The following PLCL1 variants were observed in gnomAD, a reference collection of about 807,000 sequenced individuals.
The protein encoded by PLCL1 is phospholipase C like 1 (inactive), also known as inactive phospholipase C-like protein 1.
In PLCL1, 41 loss-of-function variants were observed where a neutral mutation model predicts 84.4. That is an observed-to-expected ratio of 0.49 (90% CI 0.38 to 0.63). PLCL1 has a LOEUF of 0.63. PLCL1 is among the 30% of genes least tolerant of loss of function. The pLI, the probability that PLCL1 is intolerant of heterozygous loss-of-function variation, is 0.00. For missense variants in PLCL1, 1,206 were observed against 1,367.8 expected (o/e 0.88, Z 1.87); for synonymous variants, 490 against 488.3 (o/e 1.00, Z -0.05).
chr2:198,108,751 T>A (rs1305350479), intron 5 of PLCL1, among the ~76,000 whole-genome samples: 2 of 151,946 alleles, frequency 1.3e-5, no homozygotes, highest in Non-Finnish European at 2.9e-5. Flanking sequence ...ATCCCACACT[T>A]GTGTTTTTCT....
At chr2:198,008,046 C>T (rs185213477) in intron 1 of PLCL1, among the ~76,000 whole-genome samples, 1 of 152,020 alleles carries the variant, frequency 6.6e-6, no homozygotes, top group Non-Finnish European at 1.5e-5. Flanking sequence ...CCCTATTCCA[C>T]GTTGAGATTG....
chr2:198,106,238 T>C (rs1693471144), intron 5 of PLCL1, among the ~76,000 whole-genome samples: 1 of 151,974 alleles, frequency 6.6e-6, no homozygotes, highest in Non-Finnish European at 1.5e-5. Context: ...GTCTTTAACC[T>C]GTGCTGCAGA....
rs566649337 is a variant in PLCL1, at chr2:198,050,748, C to T, written c.241-33010C>T. On this transcript the variant is annotated intron_variant, in intron 1 of 5. Transcript: ENST00000428675. ...ATTAAAAATTCCCCTTCTAGTTTTT[C>T]CCCTAAAAAGTCCCTGCTTAATTCA... is the stretch of plus-strand genomic sequence containing the variant. Among the ~76,000 whole-genome samples, 10 of 152,296 alleles carry T rather than the reference C, an allele frequency of 6.6e-5. No individual in the cohort carries two copies. In the South Asian group the frequency reaches 2.1e-3, roughly 32 times the overall value.
chr2:197,874,476 G>C (rs1002887819), intron 1 of PLCL1, among the ~76,000 whole-genome samples: 20 of 151,972 alleles, frequency 1.3e-4, no homozygotes, highest in African/African-American at 4.6e-4. Context: ...ACTGCTTATT[G>C]CAGGAAAATA....
chr2:198,113,068 G>T (rs1344850421), intron 5 of PLCL1, among the ~76,000 whole-genome samples: 4 of 151,758 alleles, frequency 2.6e-5, no homozygotes, highest in African/African-American at 9.7e-5. Flanking sequence ...TCTATCTGGG[G>T]GTTATAAACT....
intron 1 of PLCL1, among the ~76,000 whole-genome samples, chr2:198,009,150 C>G (rs1690805625): frequency 6.6e-6 from 1 of 151,946 alleles, no homozygotes; most frequent in Non-Finnish European, 1.5e-5. Flanking sequence ...TGCAATTTCA[C>G]TCTGTTGATT....
intron 1 of PLCL1, among the ~76,000 whole-genome samples, chr2:198,013,098 C>G (rs1016315565): frequency 6.6e-6 from 1 of 151,710 alleles, no homozygotes; most frequent in Non-Finnish European, 1.5e-5. Context: ...AAATCTATAC[C>G]AGATTTATAA....
In PLCL1 at chr2:198,084,922, C is replaced by T; in HGVS notation, c.1405C>T (p.Arg469Ter). The change falls in exon 2 of 6, where the codon CGA becomes TGA. Residue 469 changes from arginine to a stop codon, truncating the protein, a stop_gained. Transcript: ENST00000428675. LOFTEE classifies it high-confidence loss of function. ...RNNMTTHVSF[R>*]SVIEVINKFA... is the part of the protein sequence containing the mutation. The stretch of plus-strand genomic sequence containing the variant: ...TAACATGACAACCCATGTTTCCTTT[C>T]GAAGTGTCATAGAGGTAATAAATAA... 2 of 1,613,878 alleles carry T rather than the reference C, an allele frequency of 1.2e-6. No homozygotes were observed. The highest frequency in any genetic ancestry group is 8.5e-7 in the Non-Finnish European group (1 of 1,179,886).
At chr2:197,923,451 G>A (rs1206605787) in intron 1 of PLCL1, among the ~76,000 whole-genome samples, 28 of 146,620 alleles carry the variant, frequency 1.9e-4, no homozygotes, top group Non-Finnish European at 3.5e-4. Flanking sequence ...CGGGGCGGCC[G>A]GGCAGAGACG....
At chr2:198,096,400 C>T (rs531681323) in intron 3 of PLCL1, among the ~76,000 whole-genome samples, 17 of 152,228 alleles carry the variant, frequency 1.1e-4, no homozygotes, top group South Asian at 8.3e-4. Flanking sequence ...TTTAGATGGC[C>T]GAGCTTTTCC....
In PLCL1 at chr2:197,858,253, T is replaced by C. The variant is rs74896321; in HGVS notation, c.240+52914T>C. On this transcript the variant is annotated intron_variant, in intron 1 of 5. Coordinates refer to ENST00000428675, the MANE Select transcript of PLCL1 (RefSeq NM_006226.4). ...TCCTGGCTCTCCAGCATGCTATCCA[T>C]GTGATCCCAAGGCAAGTGACAGCCA... Among the ~76,000 whole-genome samples the C allele has an allele frequency of 6.0e-3, 909 of 152,288 alleles. 10 individuals carry two copies. The highest frequency in any genetic ancestry group is 0.021 in the African/African-American group (867 of 41,560).
At chr2:197,838,082 C>T (rs113032385) in intron 1 of PLCL1, among the ~76,000 whole-genome samples, 2,424 of 152,186 alleles carry the variant, frequency 0.016, 70 homozygotes, top group African/African-American at 0.054. Context: ...ATAGGTTAAG[C>T]TAAAGATGAA....
At chr2:197,949,006 C>T (rs545561809) in intron 1 of PLCL1, among the ~76,000 whole-genome samples, 1 of 152,280 alleles carries the variant, frequency 6.6e-6, no homozygotes, top group South Asian at 2.1e-4. Context: ...AGTTTGGGAT[C>T]TGCCTTCACA....
At chr2:198,140,865 T>A (rs187290653) in intron 5 of PLCL1, among the ~76,000 whole-genome samples, 1 of 152,282 alleles carries the variant, frequency 6.6e-6, no homozygotes, top group African/African-American at 2.4e-5. Context: ...TTTTCAGAAG[T>A]ATTCAATTAA....
intron 5 of PLCL1, among the ~76,000 whole-genome samples, chr2:198,119,909 T>G (rs1445742857): frequency 6.6e-6 from 1 of 151,938 alleles, no homozygotes; most frequent in East Asian, 1.9e-4. Flanking sequence ...GCCGTGGGGA[T>G]GGATGCACAC....
At chr2:198,090,622 G>A (rs1693002771) in intron 3 of PLCL1, among the ~76,000 whole-genome samples, 1 of 152,134 alleles carries the variant, frequency 6.6e-6, no homozygotes, top group African/African-American at 2.4e-5. Flanking sequence ...TAGGGGGAAA[G>A]TTTACCTATT....
At chr2:197,819,841 A>G (rs1690777358) in intron 1 of PLCL1, among the ~76,000 whole-genome samples, 1 of 151,138 alleles carries the variant, frequency 6.6e-6, no homozygotes, top group South Asian at 2.1e-4. Flanking sequence ...TATCATTATC[A>G]CTTCCACCTT....
chr2:197,870,172 T>A (rs1451261709), intron 1 of PLCL1, among the ~76,000 whole-genome samples: 1 of 152,114 alleles, frequency 6.6e-6, no homozygotes, highest in Non-Finnish European at 1.5e-5. Context: ...CATGCTAGAA[T>A]TTGAATTACT....
intron 1 of PLCL1, among the ~76,000 whole-genome samples, chr2:197,926,471 C>A (rs1304707848): frequency 6.6e-6 from 1 of 152,160 alleles, no homozygotes; most frequent in African/African-American, 2.4e-5. Context: ...TGGCCATTCA[C>A]CATCCCATTT....
Sources: gnomAD v4.1 joint callset for allele counts (sites outside exome capture counted in the v4.1 genomes callset) on GRCh38, gnomAD v4.1.1 for gene constraint, MANE v1.5 for transcripts, NCBI Gene and HGNC (gene_info 2026-07-23, HGNC 2026-07-21) for gene names.